Variants in MGMT observed in about 807,000 individuals in gnomAD.
MGMT encodes the protein O-6-methylguanine-DNA methyltransferase, also known as methylated-DNA--protein-cysteine methyltransferase.
Under a neutral mutation model 15.9 loss-of-function variants are expected in MGMT, and 14 were observed. The observed-to-expected ratio is 0.88, with a 90% confidence interval of 0.58 to 1.37. The LOEUF (loss-of-function observed/expected upper bound fraction) is 1.37, where lower values mean the gene tolerates loss of function less well. MGMT is among the 40% of genes most tolerant of loss of function. The pLI is 0.00. For synonymous variants in MGMT, 130 were observed against 118.2 expected (o/e 1.10, Z -0.65); for missense variants, 282 against 268.1 (o/e 1.05, Z -0.36).
chr10:129,759,814 C>A (rs1286439817), intron 4 of MGMT, among the ~76,000 whole-genome samples: 1 of 152,136 alleles, frequency 6.6e-6, no homozygotes, highest in African/African-American at 2.4e-5. Flanking sequence ...TCTCTGTGGG[C>A]TGCACTCCCC....
At chr10:129,498,210 TC>T (rs1388702126) in intron 1 of MGMT, among the ~76,000 whole-genome samples, 5 of 152,244 alleles carry the variant, frequency 3.3e-5, no homozygotes, top group African/African-American at 1.2e-4. Context: ...GGGACATATG[TC>T]TGTCAGTTAC....
At chr10:129,662,825 G>C (rs1300801567) in intron 2 of MGMT, among the ~76,000 whole-genome samples, 1 of 152,110 alleles carries the variant, frequency 6.6e-6, no homozygotes, top group Non-Finnish European at 1.5e-5. Flanking sequence ...CATTATAAGA[G>C]ACAGATGAGA....
At chr10:129,672,574 G>A in intron 2 of MGMT, among the ~76,000 whole-genome samples, 1 of 151,940 alleles carries the variant, frequency 6.6e-6, no homozygotes. Flanking sequence ...TCTTCTGATC[G>A]CTCTAACAGT....
chr10:129,759,390 G>A, intron 4 of MGMT, 49 bp downstream of exon 4: 1 of 1,611,986 alleles, frequency 6.2e-7, no homozygotes, highest in South Asian at 1.1e-5. Context: ...GTGCGTGCAG[G>A]TGGCAGGGTG....
chr10:129,552,743 C>G (rs943521455), intron 2 of MGMT, among the ~76,000 whole-genome samples: 1 of 152,170 alleles, frequency 6.6e-6, no homozygotes, highest in African/African-American at 2.4e-5. Context: ...CACGCGGTCC[C>G]CTTCTGCTGA....
At chr10:129,673,160 T>A (rs1352527481) in intron 2 of MGMT, among the ~76,000 whole-genome samples, 1 of 152,132 alleles carries the variant, frequency 6.6e-6, no homozygotes, top group Non-Finnish European at 1.5e-5. Flanking sequence ...GGAATGGTGC[T>A]TCATCCCAGG....
At chr10:129,641,101 T>G (rs1328310732) in intron 2 of MGMT, among the ~76,000 whole-genome samples, 2 of 152,220 alleles carry the variant, frequency 1.3e-5, no homozygotes, top group East Asian at 3.8e-4. Flanking sequence ...GAAGGCATGA[T>G]TGTCTATACA....
chr10:129,538,985 GTTA>G (rs1157302081), intron 2 of MGMT, among the ~76,000 whole-genome samples: 2 of 152,136 alleles, frequency 1.3e-5, no homozygotes. Context: ...TTTTGTTGAT[GTTA>G]TTGATTTGTG....
chr10:129,626,345 C>G (rs1847149032), intron 2 of MGMT, among the ~76,000 whole-genome samples: 1 of 152,196 alleles, frequency 6.6e-6, no homozygotes, highest in Non-Finnish European at 1.5e-5. Flanking sequence ...GTCTCGTAAG[C>G]ACTGGCAGAA....
intron 2 of MGMT, among the ~76,000 whole-genome samples, chr10:129,662,905 T>C (rs1366051864): frequency 6.6e-6 from 1 of 152,148 alleles, no homozygotes; most frequent in Non-Finnish European, 1.5e-5. Flanking sequence ...ACCACCTGTA[T>C]AAAGCAGAAC....
At chr10:129,734,885 C>G (rs1014247349) in intron 3 of MGMT, among the ~76,000 whole-genome samples, 28 of 152,172 alleles carry the variant, frequency 1.8e-4, no homozygotes, top group African/African-American at 6.0e-4. Flanking sequence ...ATATATTGAA[C>G]CAGCCTTGCA....
At chr10:129,611,300 C>T (rs532636600) in intron 2 of MGMT, among the ~76,000 whole-genome samples, 3 of 152,172 alleles carry the variant, frequency 2.0e-5, no homozygotes, top group African/African-American at 4.8e-5. Flanking sequence ...CAATCATGGC[C>T]GAAAGCAAAG....
chr10:129,523,279 G>T (rs894708157), intron 1 of MGMT, among the ~76,000 whole-genome samples: 2 of 152,274 alleles, frequency 1.3e-5, no homozygotes, highest in African/African-American at 4.8e-5. Flanking sequence ...CAGGCCACAC[G>T]GCCGGGGCAG....
chr10:129,527,755 G>A lies in MGMT; in HGVS notation c.-12-8486G>A, dbSNP rs74447381. Among the ~76,000 whole-genome samples the A allele has an allele frequency of 3.8e-3, 528 of 140,346 alleles. 1 individual carries two copies. The highest frequency in any genetic ancestry group is 0.014 in the African/African-American group (483 of 34,050). 92.1% of individuals were successfully genotyped at this position (140,346 alleles called of 152,430 possible). ...ACGCCTGGAATCCGTGTTCTCCCTC[G>A]TTTCTCCGACTTCATCCCAGGACTT... On this transcript the variant is annotated intron_variant, in intron 1 of 4. Coordinates refer to ENST00000651593, the MANE Select transcript of MGMT (RefSeq NM_002412.5).
At chr10:129,727,293 G>A (rs555713338) in intron 3 of MGMT, among the ~76,000 whole-genome samples, 3 of 152,374 alleles carry the variant, frequency 2.0e-5, no homozygotes, top group African/African-American at 7.2e-5. Context: ...TGTGAGGGCA[G>A]CCAGTACCAT....
chr10:129,655,589 G>A (rs1279352672), intron 2 of MGMT, among the ~76,000 whole-genome samples: 1 of 152,070 alleles, frequency 6.6e-6, no homozygotes, highest in Non-Finnish European at 1.5e-5. Context: ...TGTGTGACTC[G>A]CCCGGCTGAG....
At position 129,581,799 on chromosome 10, in the gene MGMT, G is replaced by A. The variant is rs555172197; in HGVS notation, c.125+45422G>A. Among the ~76,000 whole-genome samples, 13 of 152,318 alleles carry A rather than the reference G, an allele frequency of 8.5e-5. No individual in the cohort carries two copies. In the East Asian group the frequency reaches 9.7e-4, roughly 11 times the overall value. On this transcript the variant is annotated intron_variant, in intron 2 of 4. Coordinates refer to ENST00000651593, the MANE Select transcript of MGMT (RefSeq NM_002412.5). ...GTGGGCGTGAGCATGCCCAGTGGCC[G>A]TCCCGTCCTCCTGGAGACAAAACCA...
intron 2 of MGMT, among the ~76,000 whole-genome samples, chr10:129,679,471 G>GCTGCCTCA (rs1490222153): frequency 6.6e-6 from 1 of 152,166 alleles, no homozygotes; most frequent in Non-Finnish European, 1.5e-5. Flanking sequence ...TGACTCCAGG[G>GCTGCCTCA]ACCCGCAAAG....
At chr10:129,665,494 A>C (rs1847649296) in intron 2 of MGMT, among the ~76,000 whole-genome samples, 2 of 151,976 alleles carry the variant, frequency 1.3e-5, no homozygotes, top group Admixed American at 6.6e-5. Flanking sequence ...CTCTCAAGGC[A>C]TTATGCATTT....
Sources: allele counts gnomAD v4.1 joint callset (sites outside exome capture counted in the v4.1 genomes callset), GRCh38; gene constraint gnomAD v4.1.1; transcripts MANE v1.5; gene names NCBI Gene and HGNC (gene_info 2026-07-23, HGNC 2026-07-21).